Variants in SDHAF4 observed in about 807,000 individuals in gnomAD.
SDHAF4 encodes the protein succinate dehydrogenase complex assembly factor 4.
SDHAF4 carries 14 observed loss-of-function variants against 14.3 expected under a neutral mutation model. The ratio of observed to expected loss-of-function variants is 0.98; its 90% CI spans 0.65 to 1.53. The LOEUF is 1.53. Among genes scored for constraint, SDHAF4 ranks in the 40% most tolerant of loss-of-function variants. SDHAF4 has a pLI of 0.00. For synonymous variants in SDHAF4, 63 were observed against 47.3 expected (o/e 1.33, Z -1.36); for missense variants, 141 against 129.3 (o/e 1.09, Z -0.44).
Position 70,588,832 on chromosome 6 carries a change from A to G in SDHAF4, c.*108A>G, listed in dbSNP as rs913600230. 3 of 377,342 alleles carry G rather than the reference A, an allele frequency of 8.0e-6. No individual in the cohort carries two copies. Among genetic ancestry groups the G allele is most frequent in the Middle Eastern group, 7.3e-4 (1 of 1,372 alleles). 23.4% of individuals were successfully genotyped at this position (377,342 alleles called of 1,614,324 possible). ...ATCCTTTATGTCGTGTAGTTTGTAT[A>G]ATGTGTTTAAATATATATATATATG... On this transcript the variant is annotated 3_prime_UTR_variant, in exon 3 of 3. Coordinates refer to ENST00000370474, the MANE Select transcript of SDHAF4 (RefSeq NM_145267.3).
intron 1 of SDHAF4, among the ~76,000 whole-genome samples, chr6:70,573,684 T>G (rs1328059947): frequency 6.6e-6 from 1 of 151,266 alleles, no homozygotes; most frequent in Admixed American, 6.6e-5. Context: ...TTTATTTTTT[T>G]TTTATTTTTT....
At chr6:70,576,875 A>G (rs1802262635) in intron 1 of SDHAF4, among the ~76,000 whole-genome samples, 2 of 152,212 alleles carry the variant, frequency 1.3e-5, no homozygotes, top group Admixed American at 1.3e-4. Flanking sequence ...AAGTGGTTGC[A>G]TTTGTTTCCT....
intron 2 of SDHAF4, among the ~76,000 whole-genome samples, chr6:70,585,150 G>A (rs1562058717): frequency 6.6e-6 from 1 of 152,150 alleles, no homozygotes; most frequent in South Asian, 2.1e-4. Flanking sequence ...TAACCCCCCA[G>A]GTGATGGTAT....
At position 70,579,568 on chromosome 6, in the gene SDHAF4, T is replaced by G; in HGVS notation, c.217+2T>G. 6.3e-7 allele frequency: 1 copy of G among 1,578,472 alleles called. No homozygotes were observed. The highest frequency in any genetic ancestry group is 8.6e-7 in the Non-Finnish European group (1 of 1,162,232). On this transcript the variant is annotated splice_donor_variant, in intron 2 of 2. Coordinates refer to ENST00000370474, the MANE Select transcript of SDHAF4 (RefSeq NM_145267.3). LOFTEE classifies it high-confidence loss of function. ...ATTTAGAGAAAGAACCACTGGAAAG[T>G]AAGTATAATAAAGCACCTCTCAGTT...
chr6:70,572,708 GGTTT>G (rs1455038819), intron 1 of SDHAF4, among the ~76,000 whole-genome samples: 1 of 151,186 alleles, frequency 6.6e-6, no homozygotes, highest in Non-Finnish European at 1.5e-5. Flanking sequence ...GCTTGTTTCC[GGTTT>G]GTTTGTATGG....
chr6:70,569,847 A>G (rs1222992018), intron 1 of SDHAF4, among the ~76,000 whole-genome samples: 1 of 152,060 alleles, frequency 6.6e-6, no homozygotes, highest in Non-Finnish European at 1.5e-5. Context: ...AATCTCTTAT[A>G]TTTTCTTCTC....
chr6:70,575,127 C>T (rs1487952790), intron 1 of SDHAF4, among the ~76,000 whole-genome samples: 1 of 152,180 alleles, frequency 6.6e-6, no homozygotes, highest in Non-Finnish European at 1.5e-5. Context: ...CCTGTAATCG[C>T]AATACTTTGG....
chr6:70,575,726 T>A (rs73746052), intron 1 of SDHAF4, among the ~76,000 whole-genome samples: 3,229 of 151,044 alleles, frequency 0.021, 89 homozygotes, highest in African/African-American at 0.07. Flanking sequence ...TGTGTGTGTG[T>A]GAGAGAGAGA....
At chr6:70,571,495 A>G (rs923810170) in intron 1 of SDHAF4, among the ~76,000 whole-genome samples, 6 of 152,154 alleles carry the variant, frequency 3.9e-5, no homozygotes, top group South Asian at 2.1e-4. Context: ...TTGTATTTTT[A>G]GTAGAGACAG....
At chr6:70,586,488 G>C (rs578221468) in intron 2 of SDHAF4, among the ~76,000 whole-genome samples, 2 of 140,336 alleles carry the variant, frequency 1.4e-5, no homozygotes, top group Non-Finnish European at 3.0e-5. Context: ...TGTGAGGGAA[G>C]GGGCCTTCTA....
intron 2 of SDHAF4, 111 bp downstream of exon 2, chr6:70,579,677 A>T: frequency 1.2e-6 from 1 of 827,340 alleles, no homozygotes; most frequent in Non-Finnish European, 1.8e-6. Context: ...TTCTGTAGTA[A>T]TAAAGCATAT....
At chr6:70,592,607 T>TA (rs2128536981), downstream of SDHAF4, among the ~76,000 whole-genome samples, 1 of 152,272 alleles carries the variant, frequency 6.6e-6, no homozygotes, top group African/African-American at 2.4e-5. Flanking sequence ...ATGCTGAACT[T>TA]AAGAATGATG....
intron 1 of SDHAF4, among the ~76,000 whole-genome samples, chr6:70,572,802 G>T (rs575678873): frequency 6.6e-6 from 1 of 152,048 alleles, no homozygotes; most frequent in African/African-American, 2.4e-5. Flanking sequence ...GTTCAGACTC[G>T]TGGGTCTGTG....
rs1460018566 is a variant in SDHAF4, at chr6:70,589,550, A to G, written c.*826A>G. On this transcript the variant is annotated 3_prime_UTR_variant, in exon 3 of 3. Coordinates refer to ENST00000370474, the MANE Select transcript of SDHAF4 (RefSeq NM_145267.3). ...AGTTGCTTATAAAATGCATACATAA[A>G]TAAAATAATTTTTAAAAAATGATTG... 1 of 152,202 alleles carries G rather than the reference A, an allele frequency of 6.6e-6. No homozygotes were observed. The highest frequency in any genetic ancestry group is 1.5e-5 in the Non-Finnish European group (1 of 68,038). 9.4% of individuals were successfully genotyped at this position (152,202 alleles called of 1,614,324 possible).
downstream of SDHAF4, among the ~76,000 whole-genome samples, chr6:70,594,392 C>A (rs1765283761): frequency 6.6e-6 from 1 of 152,148 alleles, no homozygotes; most frequent in South Asian, 2.1e-4. Context: ...CAGGTAGGAT[C>A]TCTGGGAGGT....
chr6:70,571,208 T>C (rs923674062), intron 1 of SDHAF4, among the ~76,000 whole-genome samples: 1 of 152,200 alleles, frequency 6.6e-6, no homozygotes, highest in Non-Finnish European at 1.5e-5. Context: ...TACTGAGGTG[T>C]TTATCATTTT....
intron 2 of SDHAF4, among the ~76,000 whole-genome samples, chr6:70,585,207 T>C (rs1765181390): frequency 6.6e-6 from 1 of 152,110 alleles, no homozygotes; most frequent in Non-Finnish European, 1.5e-5. Flanking sequence ...ATCATGAGAG[T>C]AAGGTAACTC....
Position 70,588,652 on chromosome 6 carries a change from A to T in SDHAF4, c.255A>T (p.Lys85Asn), listed in dbSNP as rs767309184. Residue 85 changes from lysine (K) to asparagine (N), a missense_variant, in exon 3 of 3, where the codon AAA becomes AAT. Coordinates refer to ENST00000370474, the MANE Select transcript of SDHAF4 (RefSeq NM_145267.3). ...ATGTTAATCCAGTGACCAAAGAAAAAGGTGGACCCAGGGGCCCAGAACCTA... is the reference window on the plus strand; with the variant it reads ...ATGTTAATCCAGTGACCAAAGAAAATGGTGGACCCAGGGGCCCAGAACCTA... ...PDDVNPVTKEKGGPRGPEPTR... is the reference protein window; with the variant it reads ...PDDVNPVTKENGGPRGPEPTR... The T allele has an allele frequency of 1.4e-5, 22 of 1,599,766 alleles. No individual in the cohort carries two copies. The highest frequency in any genetic ancestry group is 1.5e-5 in the Non-Finnish European group (17 of 1,170,610).
chr6:70,585,504 TTTCAGC>T (rs1186590832), intron 2 of SDHAF4, among the ~76,000 whole-genome samples: 23 of 152,296 alleles, frequency 1.5e-4, no homozygotes, highest in African/African-American at 5.3e-4. Flanking sequence ...ACCACCCTGA[TTTCAGC>T]CTACCAGCCT....
Sources: allele counts gnomAD v4.1 joint callset (sites outside exome capture counted in the v4.1 genomes callset), GRCh38; gene constraint gnomAD v4.1.1; transcripts MANE v1.5; gene names NCBI Gene and HGNC (gene_info 2026-07-23, HGNC 2026-07-21).